TENM3: variants seen among roughly 807,000 people sequenced by gnomAD.
TENM3 encodes teneurin-3.
In TENM3, 63 loss-of-function variants were observed where a neutral mutation model predicts 255.1. The ratio of observed to expected loss-of-function variants is 0.25; its 90% CI spans 0.20 to 0.30. TENM3 has a LOEUF of 0.30. TENM3 is among the 10% of genes least tolerant of loss of function. The pLI is 1.00. For synonymous variants in TENM3, 1,306 were observed against 1,322.3 expected (o/e 0.99, Z 0.27); for missense variants, 2,929 against 3,461.1 (o/e 0.85, Z 3.86).
chr4:181,712,870 T>A, the TENM3 span, among the ~76,000 whole-genome samples: 1 of 152,186 alleles, frequency 6.6e-6, no homozygotes, highest in Non-Finnish European at 1.5e-5. Flanking sequence ...TTGATTTGTT[T>A]AAAAAGAGGA....
chr4:181,726,645 G>A, the TENM3 span, among the ~76,000 whole-genome samples: 1 of 152,112 alleles, frequency 6.6e-6, no homozygotes, highest in South Asian at 2.1e-4. Flanking sequence ...ATCTGTAGGG[G>A]TTTCTCCCCA....
intron 1 of TENM3, among the ~76,000 whole-genome samples, chr4:182,153,297 A>G (rs1750470948): frequency 6.6e-6 from 1 of 152,072 alleles, no homozygotes; most frequent in Non-Finnish European, 1.5e-5. Flanking sequence ...TGAATATACA[A>G]TATGTAAAAT....
intron 24 of TENM3, among the ~76,000 whole-genome samples, chr4:182,786,661 T>C (rs1425536840): frequency 2.0e-5 from 3 of 151,468 alleles, no homozygotes; most frequent in Non-Finnish European, 2.9e-5. Flanking sequence ...AGATTTCCCA[T>C]ACTCCAACCA....
intron 12 of TENM3, among the ~76,000 whole-genome samples, chr4:182,695,392 G>A (rs2152616679): frequency 6.6e-6 from 1 of 152,284 alleles, no homozygotes; most frequent in Non-Finnish European, 1.5e-5. Context: ...GCTGACTTCT[G>A]ACCCTTCACA....
intron 1 of TENM3, among the ~76,000 whole-genome samples, chr4:182,179,076 A>G (rs1752690224): frequency 6.6e-6 from 1 of 152,250 alleles, no homozygotes; most frequent in Non-Finnish European, 1.5e-5. Flanking sequence ...GTATTAAATA[A>G]CTAAAATAAA....
intron 1 of TENM3, among the ~76,000 whole-genome samples, chr4:182,220,059 C>T (rs1274959242): frequency 6.6e-6 from 1 of 152,106 alleles, no homozygotes; most frequent in Non-Finnish European, 1.5e-5. Flanking sequence ...TGAGGAGCAT[C>T]TTCTGATCTG....
chr4:182,456,356 A>G (rs1773877512), intron 3 of TENM3, among the ~76,000 whole-genome samples: 1 of 152,186 alleles, frequency 6.6e-6, no homozygotes, highest in South Asian at 2.1e-4. Flanking sequence ...ACTCAGAGCT[A>G]ATTTCATTAA....
the TENM3 span, among the ~76,000 whole-genome samples, chr4:181,604,061 G>A: frequency 0.015 from 2,249 of 152,184 alleles, 37 homozygotes; most frequent in South Asian, 0.065. Flanking sequence ...TCAAGACATC[G>A]AGACCATCCT....
chr4:181,527,536 T>C, the TENM3 span, among the ~76,000 whole-genome samples: 1 of 152,016 alleles, frequency 6.6e-6, no homozygotes, highest in Non-Finnish European at 1.5e-5. Context: ...GCCTGGCTAA[T>C]TTTTGTATTT....
At chr4:182,430,927 A>G (rs1349177058) in intron 3 of TENM3, among the ~76,000 whole-genome samples, 2 of 151,814 alleles carry the variant, frequency 1.3e-5, no homozygotes, top group Non-Finnish European at 2.9e-5. Flanking sequence ...TAGGAGAATC[A>G]CTTGAACCCA....
chr4:182,226,621 G>A (rs1756172804), intron 1 of TENM3, among the ~76,000 whole-genome samples: 1 of 152,152 alleles, frequency 6.6e-6, no homozygotes, highest in Non-Finnish European at 1.5e-5. Context: ...ACAGGATGGA[G>A]TGGCTGAGTC....
chr4:182,115,147 C>T, the TENM3 span, among the ~76,000 whole-genome samples: 2 of 152,314 alleles, frequency 1.3e-5, no homozygotes, highest in African/African-American at 4.8e-5. Context: ...TGCCCCTGCA[C>T]TCCAGCCTAG....
intron 5 of TENM3, among the ~76,000 whole-genome samples, chr4:182,643,962 C>T (rs1272179728): frequency 6.6e-6 from 1 of 152,134 alleles, no homozygotes; most frequent in African/African-American, 2.4e-5. Flanking sequence ...TTACCTCATC[C>T]TCTTTGTCTT....
chr4:181,971,713 T>G, the TENM3 span, among the ~76,000 whole-genome samples: 1 of 152,034 alleles, frequency 6.6e-6, no homozygotes, highest in Non-Finnish European at 1.5e-5. Flanking sequence ...ACCACAGGCA[T>G]GCACCACCAT....
intron 5 of TENM3, among the ~76,000 whole-genome samples, chr4:182,640,851 G>A (rs1752240805): frequency 6.6e-6 from 1 of 152,218 alleles, no homozygotes; most frequent in African/African-American, 2.4e-5. Flanking sequence ...GATCCCAGAT[G>A]AAGAGGGAGC....
chr4:182,173,670 T>G (rs975255329), intron 1 of TENM3, among the ~76,000 whole-genome samples: 3 of 152,070 alleles, frequency 2.0e-5, no homozygotes, highest in African/African-American at 7.2e-5. Context: ...TATACTTGAT[T>G]AGGAGGAAAT....
intron 3 of TENM3, among the ~76,000 whole-genome samples, chr4:182,506,879 T>C (rs1254529646): frequency 6.6e-6 from 1 of 152,176 alleles, no homozygotes; most frequent in Non-Finnish European, 1.5e-5. Flanking sequence ...CTTCATACCT[T>C]AAAGATCACT....
intron 1 of TENM3, among the ~76,000 whole-genome samples, chr4:182,147,082 C>A (rs544367109): frequency 3.9e-5 from 6 of 152,246 alleles, no homozygotes; most frequent in African/African-American, 1.4e-4. Context: ...AGAAAGGAAA[C>A]CTAGCTAAAC....
At chr4:182,331,939 C>G (rs1763786064) in intron 2 of TENM3, among the ~76,000 whole-genome samples, 1 of 152,074 alleles carries the variant, frequency 6.6e-6, no homozygotes, top group South Asian at 2.1e-4. Flanking sequence ...TAGAATCAGG[C>G]AGATCTGAAA....
Sources: allele counts gnomAD v4.1 joint callset (sites outside exome capture counted in the v4.1 genomes callset), GRCh38; gene constraint gnomAD v4.1.1; transcripts MANE v1.5; gene names NCBI Gene and HGNC (gene_info 2026-07-23, HGNC 2026-07-21).